TOMM34: variants seen among roughly 807,000 people sequenced by gnomAD.
The protein encoded by TOMM34 is translocase of outer mitochondrial membrane 34.
In TOMM34, 24 loss-of-function variants were observed where a neutral mutation model predicts 37.4. The observed-to-expected ratio is 0.64, with a 90% CI of 0.46 to 0.90. TOMM34 has a LOEUF of 0.90. Among genes scored for constraint, TOMM34 ranks in the 40% least tolerant of loss-of-function variants. The pLI is 0.00. For synonymous variants in TOMM34, 154 were observed against 148.9 expected, an observed-to-expected ratio of 1.03 and a Z score of -0.25; for missense variants, 304 against 375.6, an observed-to-expected ratio of 0.81 and a Z score of 1.58.
At chr20:44,943,970 G>A (rs968564562) in intron 5 of TOMM34, among the ~76,000 whole-genome samples, 24 of 150,696 alleles carry the variant, frequency 1.6e-4, no homozygotes, top group African/African-American at 5.9e-4. Context: ...TCTACTTTAA[G>A]GGGGAAAAAA....
chr20:44,944,332 TA>T (rs2066962134), intron 5 of TOMM34, among the ~76,000 whole-genome samples: 1 of 152,222 alleles, frequency 6.6e-6, no homozygotes, highest in Non-Finnish European at 1.5e-5. Flanking sequence ...AGACAGTCAC[TA>T]AAAACAAAAC....
Position 44,948,881 on chromosome 20 carries a change from G to C in TOMM34, c.551-4C>G, listed in dbSNP as rs768813853. The C allele has an allele frequency of 1.2e-6, 2 of 1,613,450 alleles. No homozygotes were observed. The highest frequency in any genetic ancestry group is 8.5e-7 in the Non-Finnish European group (1 of 1,179,884). Reference sequence around the variant, plus strand: ...TCCACATCCCCAGCAGAAGGCACTAGATACAAATTCAGAAGAGGAAAAAAA... The same window carrying C: ...TCCACATCCCCAGCAGAAGGCACTACATACAAATTCAGAAGAGGAAAAAAA... On this transcript the variant is annotated splice_region_variant and splice_polypyrimidine_tract_variant and intron_variant, in intron 4 of 6. Transcript: ENST00000372813.
rs1568665949 is a variant in TOMM34, at chr20:44,958,150, G to GTATATGTATATATA, written c.128-1666_128-1665insTATATATACATATA. Among the ~76,000 whole-genome samples the GTATATGTATATATA allele has an allele frequency of 1.0e-4, 8 of 79,534 alleles. No homozygotes were observed. In the East Asian group the frequency reaches 3.6e-3, roughly 36 times the overall value. 52.2% of individuals were successfully genotyped at this position (79,534 alleles called of 152,430 possible). On this transcript the variant is annotated intron_variant, in intron 1 of 6. Coordinates refer to ENST00000372813, the MANE Select transcript of TOMM34 (RefSeq NM_006809.5). ...TATATGTATATGTATATATATGTGT[G>GTATATGTATATATA]TGTGTGTGTGTGTGTTAACAGGAAA...
At chr20:44,944,332 T>C (rs968695074) in intron 5 of TOMM34, among the ~76,000 whole-genome samples, 6 of 152,222 alleles carry the variant, frequency 3.9e-5, no homozygotes, top group African/African-American at 1.4e-4. Flanking sequence ...AGACAGTCAC[T>C]AAAAACAAAA....
chr20:44,953,232 A>G lies in TOMM34; in HGVS notation c.381-1230T>C, dbSNP rs557890111. Among the ~76,000 whole-genome samples the G allele has an allele frequency of 3.3e-5, 5 of 152,280 alleles. No individual in the cohort carries two copies. In the East Asian group the frequency reaches 9.6e-4, roughly 29 times the overall value. ...CCTTGCCATCACAGGTATACTCCCC[A>G]GCTTCTCTTCAAGCCTGACTTTCTG... On this transcript the variant is annotated intron_variant, in intron 3 of 6. Coordinates refer to ENST00000372813, the MANE Select transcript of TOMM34 (RefSeq NM_006809.5).
At chr20:44,944,360 G>A (rs992933530) in intron 5 of TOMM34, among the ~76,000 whole-genome samples, 2 of 152,190 alleles carry the variant, frequency 1.3e-5, no homozygotes, top group Non-Finnish European at 2.9e-5. Context: ...ATGTCTGGGC[G>A]CTCATTACAT....
At chr20:44,960,178 C>A in intron 1 of TOMM34, 29 bp downstream of exon 1, 13 of 1,545,620 alleles carry the variant, frequency 8.4e-6, no homozygotes, top group Non-Finnish European at 1.1e-5. Flanking sequence ...GGAGCAGGCC[C>A]GGAGGTGAGA....
chr20:44,946,719 A>G (rs956388798), intron 5 of TOMM34, among the ~76,000 whole-genome samples: 1 of 152,236 alleles, frequency 6.6e-6, no homozygotes, highest in Non-Finnish European at 1.5e-5. Flanking sequence ...ATGGGCGTAC[A>G]TGAGGTGGAG....
intron 1 of TOMM34, among the ~76,000 whole-genome samples, chr20:44,959,610 C>T (rs2067107647): frequency 6.6e-6 from 1 of 152,004 alleles, no homozygotes. Flanking sequence ...ATGTTTATAT[C>T]GTCTTGGAGG....
chr20:44,958,589 T>G (rs1402560060), intron 1 of TOMM34: 3 of 222,480 alleles, frequency 1.3e-5, no homozygotes, highest in African/African-American at 4.5e-5. Context: ...GCCTGTTCCC[T>G]GAGCTCTCTT....
intron 1 of TOMM34, chr20:44,958,559 TG>T (rs1304360179): frequency 5.0e-5 from 16 of 320,160 alleles, no homozygotes; most frequent in Admixed American, 1.5e-4. Flanking sequence ...ATAGACTTGC[TG>T]GAAGGGTTCA....
chr20:44,945,708 C>A (rs564893275), intron 5 of TOMM34, among the ~76,000 whole-genome samples: 1 of 152,348 alleles, frequency 6.6e-6, no homozygotes, highest in Admixed American at 6.5e-5. Flanking sequence ...CCAGCCCCAG[C>A]TACCATCTTG....
Position 44,942,875 on chromosome 20 carries a change from C to T in TOMM34, c.*234G>A, listed in dbSNP as rs1311776706. 8.6e-6 allele frequency: 5 copies of T among 582,008 alleles called. No homozygotes were observed. The highest frequency in any genetic ancestry group is 1.5e-5 in the Non-Finnish European group (5 of 325,722). 36.1% of individuals were successfully genotyped at this position (582,008 alleles called of 1,614,324 possible). A position where few individuals can be genotyped will look rare whatever the true frequency, so the allele number is the denominator to read the frequency against. ...GAATAGGGACAGAGCTTCAGCTTCA[C>T]GCTTAGCTCTAGTGGGGACCTTTCT... is the stretch of plus-strand genomic sequence containing the variant. On this transcript the variant is annotated 3_prime_UTR_variant, in exon 7 of 7. Transcript: ENST00000372813.
chr20:44,952,067 C>T, intron 3 of TOMM34, 65 bp from the exon 4 acceptor site: 1 of 1,549,090 alleles, frequency 6.5e-7, no homozygotes, highest in Non-Finnish European at 8.7e-7. Flanking sequence ...TCTCCTTTCA[C>T]ACACCCATGG....
In TOMM34 at chr20:44,960,388, G is replaced by A. The variant is rs1345560281; in HGVS notation, c.-55C>T. The A allele has an allele frequency of 1.4e-6, 2 of 1,463,096 alleles. No homozygotes were observed. The highest frequency in any genetic ancestry group is 9.1e-7 in the Non-Finnish European group (1 of 1,103,264). The allele number at this position is 1,463,096 out of a possible 1,614,324, so 90.6% of individuals were successfully genotyped here. ...CCTTCCTTCCTCCCCCGTGTGGTGC[G>A]GCACACCTTCCGGGCGCAAGCGCCG... On this transcript the variant is annotated 5_prime_UTR_variant, in exon 1 of 7. Coordinates refer to ENST00000372813, the MANE Select transcript of TOMM34 (RefSeq NM_006809.5).
Position 44,951,756 on chromosome 20 carries a change from C to A in TOMM34, c.550+77G>T. The A allele has an allele frequency of 2.7e-6, 4 of 1,507,666 alleles. No homozygotes were observed. In the Admixed American group the frequency reaches 6.6e-5, roughly 25 times the overall value. The allele number at this position is 1,507,666 out of a possible 1,614,324, so 93.4% of individuals were successfully genotyped here. On this transcript the variant is annotated intron_variant, in intron 4 of 6. Transcript: ENST00000372813. ...ATTTTTATAACTCAGCTAAACAATG[C>A]CAATTTTTGCAGGACTACTCTAAAG... is the stretch of plus-strand genomic sequence containing the variant.
intron 2 of TOMM34, among the ~76,000 whole-genome samples, chr20:44,955,758 G>C (rs1177148921): frequency 6.6e-6 from 1 of 152,202 alleles, no homozygotes; most frequent in East Asian, 1.9e-4. Context: ...ATTCAGCACA[G>C]GCTCTGTGAG....
At chr20:44,943,625 C>A in intron 5 of TOMM34, 46 bp from the exon 6 acceptor site, 1 of 1,611,548 alleles carries the variant, frequency 6.2e-7, no homozygotes, top group South Asian at 1.1e-5. Context: ...GTCTTATGGG[C>A]CACCCACATG....
chr20:44,950,601 G>A (rs747025942), intron 4 of TOMM34, among the ~76,000 whole-genome samples: 1 of 152,154 alleles, frequency 6.6e-6, no homozygotes, highest in Non-Finnish European at 1.5e-5. Context: ...ATCAATGGTA[G>A]GTGCACTGAT....
Sources: allele counts gnomAD v4.1 joint callset (sites outside exome capture counted in the v4.1 genomes callset), GRCh38; gene constraint gnomAD v4.1.1; transcripts MANE v1.5; gene names NCBI Gene and HGNC (gene_info 2026-07-23, HGNC 2026-07-21).